PIP5K1B: variants seen among roughly 807,000 people sequenced by gnomAD.
The protein encoded by PIP5K1B is phosphatidylinositol 4-phosphate 5-kinase type-1 beta.
In PIP5K1B, 42 loss-of-function variants were observed where a neutral mutation model predicts 67.0. That is an observed-to-expected ratio of 0.63 (90% CI 0.49 to 0.81). The LOEUF is 0.81. Ranked by LOEUF, PIP5K1B falls within the 30% of genes least tolerant of loss-of-function variation. The pLI is 0.00. For synonymous variants in PIP5K1B, 214 were observed against 231.4 expected, an observed-to-expected ratio of 0.92 and a Z score of 0.68; for missense variants, 459 against 646.3, an observed-to-expected ratio of 0.71 and a Z score of 3.14.
intron 14 of PIP5K1B, among the ~76,000 whole-genome samples, chr9:68,990,528 A>G (rs1022356590): frequency 2.0e-5 from 3 of 151,428 alleles, no homozygotes; most frequent in Non-Finnish European, 4.4e-5. Context: ...TCAAAGTCAA[A>G]GATAACTAAT....
intron 6 of PIP5K1B, among the ~76,000 whole-genome samples, chr9:68,887,765 T>C (rs1037104639): frequency 6.6e-6 from 1 of 152,006 alleles, no homozygotes; most frequent in African/African-American, 2.4e-5. Flanking sequence ...GCATCAACAG[T>C]CTGGTTAGGA....
chr9:68,982,960 T>G (rs1398145997), intron 14 of PIP5K1B, among the ~76,000 whole-genome samples: 1 of 152,204 alleles, frequency 6.6e-6, no homozygotes, highest in African/African-American at 2.4e-5. Context: ...TATAGGTTCT[T>G]GAGCCTAGGT....
chr9:68,995,661 T>G (rs1273569666), intron 15 of PIP5K1B, among the ~76,000 whole-genome samples: 1 of 151,754 alleles, frequency 6.6e-6, no homozygotes, highest in African/African-American at 2.4e-5. Context: ...CAAAATTAGC[T>G]AGGCGTGGTG....
intron 1 of PIP5K1B, among the ~76,000 whole-genome samples, chr9:68,734,464 A>G (rs1353322514): frequency 6.6e-6 from 1 of 152,232 alleles, no homozygotes. Flanking sequence ...CAAAGGCTCA[A>G]AGCTACGTCC....
intron 2 of PIP5K1B, among the ~76,000 whole-genome samples, chr9:68,767,867 A>G (rs1293943026): frequency 6.6e-6 from 1 of 152,148 alleles, no homozygotes; most frequent in Non-Finnish European, 1.5e-5. Flanking sequence ...AAAAGGGTGA[A>G]TTTTATTGCA....
intron 14 of PIP5K1B, among the ~76,000 whole-genome samples, chr9:68,961,341 G>T (rs1587725002): frequency 6.6e-6 from 1 of 152,302 alleles, no homozygotes. Context: ...TTCTTCTCGA[G>T]GTGATGAAAA....
intron 12 of PIP5K1B, among the ~76,000 whole-genome samples, chr9:68,925,537 A>T (rs1328098996): frequency 2.6e-5 from 4 of 152,108 alleles, no homozygotes; most frequent in African/African-American, 9.7e-5. Flanking sequence ...ACATTTGACC[A>T]TTTATATTGG....
chr9:68,945,960 C>T (rs563094319), intron 14 of PIP5K1B, among the ~76,000 whole-genome samples: 31 of 152,304 alleles, frequency 2.0e-4, no homozygotes, highest in African/African-American at 7.5e-4. Flanking sequence ...AATGTTCAAA[C>T]ACTTTAAAAA....
rs760676662 is a variant in PIP5K1B at position 68,991,252 on chromosome 9, T to C, written c.1615T>C (p.Tyr539His). 1 of 1,572,588 alleles carries C rather than the reference T, an allele frequency of 6.4e-7. No homozygotes were observed. The highest frequency in any genetic ancestry group is 2.2e-5 in the East Asian group (1 of 44,690). ...QDDNASVLDVYL is the reference protein window; with the variant it reads ...QDDNASVLDVHL ...TGACAATGCTTCTGTGCTTGACGTC[T>C]ATTTAGTAAGTAATTTTTTAGTTTC... The change falls in exon 15 of 16, where the codon TAT (tyrosine) becomes CAT (histidine). Residue 539 changes from tyrosine to histidine, a missense_variant. Transcript: ENST00000265382.
chr9:68,883,513 T>C (rs1824302493), intron 6 of PIP5K1B, among the ~76,000 whole-genome samples: 1 of 152,222 alleles, frequency 6.6e-6, no homozygotes, highest in South Asian at 2.1e-4. Flanking sequence ...TCCTTTATCC[T>C]CAGTATTTTC....
chr9:68,805,025 G>A (rs556433636), intron 2 of PIP5K1B, among the ~76,000 whole-genome samples: 2 of 152,322 alleles, frequency 1.3e-5, no homozygotes, highest in East Asian at 3.9e-4. Flanking sequence ...AGGGCTGTGA[G>A]GGCACAGCAG....
rs148607432 is a variant in PIP5K1B at position 68,788,826 on chromosome 9, C to T, written c.-85-29635C>T. 1,371 of 239,282 alleles carry T rather than the reference C, an allele frequency of 5.7e-3. 7 individuals are homozygous for T. Among genetic ancestry groups the T allele is most frequent in the Non-Finnish European group, 9.8e-3 (1,144 of 116,674 alleles). 14.8% of individuals were successfully genotyped at this position (239,282 alleles called of 1,614,324 possible). A position where few individuals can be genotyped will look rare whatever the true frequency, so the allele number is the denominator to read the frequency against. On this transcript the variant is annotated intron_variant, in intron 2 of 15. Coordinates refer to ENST00000265382, the MANE Select transcript of PIP5K1B (RefSeq NM_003558.4). ...TACAAGTGAACTACTGTCTCAGAAACTGATATTATATTTGACATACACTGG... is the reference window on the plus strand; with the variant it reads ...TACAAGTGAACTACTGTCTCAGAAATTGATATTATATTTGACATACACTGG...
intron 5 of PIP5K1B, 123 bp from the exon 6 acceptor site, chr9:68,876,553 TC>T (rs1823908611): frequency 3.1e-6 from 2 of 646,572 alleles, no homozygotes; most frequent in Non-Finnish European, 5.5e-6. Context: ...AGAAACCCGC[TC>T]TCAGGGGATG....
At chr9:68,982,396 AACTG>A (rs757437884) in intron 14 of PIP5K1B, among the ~76,000 whole-genome samples, 4 of 152,236 alleles carry the variant, frequency 2.6e-5, no homozygotes, top group Non-Finnish European at 5.9e-5. Context: ...CCAAAGTCAG[AACTG>A]AGGAGCAATG....
intron 6 of PIP5K1B, among the ~76,000 whole-genome samples, chr9:68,884,646 C>T (rs1326494696): frequency 1.4e-5 from 2 of 139,656 alleles, no homozygotes; most frequent in East Asian, 2.1e-4. Flanking sequence ...GCCTGGGTGG[C>T]AGAGCAGGAC....
At chr9:68,993,952 A>T (rs907136227) in intron 15 of PIP5K1B, among the ~76,000 whole-genome samples, 9 of 151,850 alleles carry the variant, frequency 5.9e-5, no homozygotes, top group Admixed American at 3.9e-4. Flanking sequence ...GTCTTACAAG[A>T]GTGAGGGAAG....
At chr9:68,848,605 G>A (rs1822318944) in intron 4 of PIP5K1B, among the ~76,000 whole-genome samples, 1 of 152,184 alleles carries the variant, frequency 6.6e-6, no homozygotes, top group Non-Finnish European at 1.5e-5. Context: ...GGCTAGAGAA[G>A]TGTAAAATTT....
At chr9:68,845,483 C>T (rs553414493) in intron 4 of PIP5K1B, among the ~76,000 whole-genome samples, 15 of 152,108 alleles carry the variant, frequency 9.9e-5, no homozygotes, top group East Asian at 3.9e-4. Context: ...GCTTTCCTTG[C>T]GGAAGGGCTG....
chr9:69,007,463 C>A (rs1271779328), intron 15 of PIP5K1B, among the ~76,000 whole-genome samples: 1 of 152,150 alleles, frequency 6.6e-6, no homozygotes, highest in Non-Finnish European at 1.5e-5. Flanking sequence ...AAAAATTTAT[C>A]CCTCACCACC....
Sources: gnomAD v4.1 joint callset for allele counts (sites outside exome capture counted in the v4.1 genomes callset) on GRCh38, gnomAD v4.1.1 for gene constraint, MANE v1.5 for transcripts, NCBI Gene and HGNC (gene_info 2026-07-23, HGNC 2026-07-21) for gene names.